Variants in RPGRIP1 observed in about 807,000 individuals in gnomAD.
RPGRIP1 encodes X-linked retinitis pigmentosa GTPase regulator-interacting protein 1.
A neutral mutation model predicts 157.9 loss-of-function variants in RPGRIP1; 128 were observed. The observed-to-expected ratio is 0.81, with a 90% CI of 0.70 to 0.94. The LOEUF (loss-of-function observed/expected upper bound fraction) is 0.94. Among genes scored for constraint, RPGRIP1 ranks in the 40% least tolerant of loss-of-function variants. The pLI, the probability that RPGRIP1 is intolerant of heterozygous loss-of-function variation, is 0.00. For missense variants in RPGRIP1, 1,486 were observed against 1,545.8 expected (o/e 0.96, Z 0.65); for synonymous variants, 554 against 571.6 (o/e 0.97, Z 0.44).
chr14:21,308,856 A>G (rs1195024436), intron 7 of RPGRIP1, among the ~76,000 whole-genome samples: 1 of 152,080 alleles, frequency 6.6e-6, no homozygotes, highest in Non-Finnish European at 1.5e-5. Flanking sequence ...CAGGCATGTC[A>G]CTCATGTAGC....
At chr14:21,297,338 G>A (rs191245251) in intron 3 of RPGRIP1, among the ~76,000 whole-genome samples, 34 of 152,156 alleles carry the variant, frequency 2.2e-4, no homozygotes, top group South Asian at 4.2e-4. Flanking sequence ...CAAGTGATCC[G>A]CCTGCCTCGG....
At chr14:21,338,906 AGGCGG>A (rs1174960869) in intron 21 of RPGRIP1, among the ~76,000 whole-genome samples, 3 of 152,134 alleles carry the variant, frequency 2.0e-5, no homozygotes, top group African/African-American at 4.8e-5. Context: ...TGGGAGGTCG[AGGCGG>A]GCGGATCACC....
rs143285767 is a variant in RPGRIP1, at chr14:21,316,038, G to A, written c.1152-1658G>A. Reference sequence around the variant, plus strand: ...TTGCCCAGGCTGAGAGTGCAGTGGCGCAGTCTCGGCTCACTGCAACCCCTG... The same window carrying A: ...TTGCCCAGGCTGAGAGTGCAGTGGCACAGTCTCGGCTCACTGCAACCCCTG... On this transcript the variant is annotated intron_variant, in intron 10 of 24. Coordinates refer to ENST00000400017, the MANE Select transcript of RPGRIP1 (RefSeq NM_020366.4). Among the ~76,000 whole-genome samples, 1,293 of 148,620 alleles carry A rather than the reference G, an allele frequency of 8.7e-3. 13 individuals are homozygous for A. The highest frequency in any genetic ancestry group is 0.014 in the Non-Finnish European group (970 of 67,342).
intron 24 of RPGRIP1, among the ~76,000 whole-genome samples, chr14:21,348,736 G>C (rs1212406117): frequency 6.9e-6 from 1 of 145,364 alleles, no homozygotes; most frequent in South Asian, 2.2e-4. Flanking sequence ...TGTGATCTCA[G>C]CTCACTGCAA....
At chr14:21,314,389 T>C (rs915010656) in intron 10 of RPGRIP1, among the ~76,000 whole-genome samples, 1 of 152,144 alleles carries the variant, frequency 6.6e-6, no homozygotes, top group Non-Finnish European at 1.5e-5. Flanking sequence ...TGGGCTATTC[T>C]ATATGCTGAT....
At chr14:21,322,101 A>T in intron 14 of RPGRIP1, 97 bp downstream of exon 14, 1 of 1,006,242 alleles carries the variant, frequency 9.9e-7, no homozygotes, top group Non-Finnish European at 1.4e-6. Context: ...TGCCTCTCAT[A>T]CCCTTAGCAT....
At chr14:21,324,563 C>G in intron 14 of RPGRIP1, 55 bp from the exon 15 acceptor site, 4 of 1,441,956 alleles carry the variant, frequency 2.8e-6, no homozygotes, top group Non-Finnish European at 3.9e-6. Context: ...CCTCCTCTAC[C>G]CTAAGAAAGA....
At chr14:21,315,974 G>GTTTTT (rs35698876) in intron 10 of RPGRIP1, among the ~76,000 whole-genome samples, 4 of 107,390 alleles carry the variant, frequency 3.7e-5, no homozygotes, top group South Asian at 3.2e-4. Context: ...AATTTTTGTG[G>GTTTTT]TTTTTTTTTT....
Position 21,325,386 on chromosome 14 carries a change from G to A in RPGRIP1, c.2367+3G>A. The A allele has an allele frequency of 6.4e-7, 1 of 1,564,840 alleles. No individual in the cohort carries two copies. Among genetic ancestry groups the A allele is most frequent in the Non-Finnish European group, 8.7e-7 (1 of 1,154,800 alleles). On this transcript the variant is annotated splice_donor_region_variant and intron_variant, in intron 16 of 24. Transcript: ENST00000400017. ...GCCGGAAGGCCCAGGAAGAGGAGGT[G>A]AGAAAAAAGATGTGCCGAGGCATCT...
At chr14:21,349,965 T>C (rs1330836750) in intron 24 of RPGRIP1, among the ~76,000 whole-genome samples, 1 of 152,218 alleles carries the variant, frequency 6.6e-6, no homozygotes, top group Admixed American at 6.5e-5. Context: ...CTTAAGATTA[T>C]CCACTAGATC....
chr14:21,304,596 C>T (rs1220260570), intron 6 of RPGRIP1, among the ~76,000 whole-genome samples: 1 of 151,980 alleles, frequency 6.6e-6, no homozygotes, highest in Non-Finnish European at 1.5e-5. Flanking sequence ...ATGTATTTTT[C>T]AGACAAGTTT....
intron 2 of RPGRIP1, 31 bp downstream of exon 2, chr14:21,288,092 T>C (rs1196409505): frequency 7.1e-7 from 1 of 1,416,002 alleles, no homozygotes; most frequent in Non-Finnish European, 1.0e-6. Context: ...TGGACACCTT[T>C]TAGAATTAAA....
chr14:21,317,738 C>T lies in RPGRIP1; in HGVS notation c.1194C>T (p.Ser398=). ...SSDSSSQPHW[S]NELIAEQLQQ... ...ACAGCTCCAGTCAGCCCCACTGGAG[C>T]AACGAGCTCATAGCGGAACAGCTAC... Residue 398 remains serine (S), a synonymous_variant, in exon 11 of 25, where the codon AGC becomes AGT. Transcript: ENST00000400017. 6.3e-7 allele frequency: 1 copy of T among 1,590,546 alleles called. No homozygotes were observed. The highest frequency in any genetic ancestry group is 8.6e-7 in the Non-Finnish European group (1 of 1,168,498).
At chr14:21,325,786 T>A in intron 16 of RPGRIP1, 45 bp from the exon 17 acceptor site, 1 of 1,432,536 alleles carries the variant, frequency 7.0e-7, no homozygotes, top group Non-Finnish European at 9.7e-7. Flanking sequence ...CCTACAACAG[T>A]CTCAAGCTGC....
At chr14:21,322,928 T>C (rs1361560066) in intron 14 of RPGRIP1, among the ~76,000 whole-genome samples, 1 of 152,186 alleles carries the variant, frequency 6.6e-6, no homozygotes, top group African/African-American at 2.4e-5. Context: ...ACACTTGGCT[T>C]TGTTATTATA....
chr14:21,317,700 C>T lies in RPGRIP1; in HGVS notation c.1156C>T (p.Leu386=), dbSNP rs1314556019. Residue 386 remains leucine, a synonymous_variant, in exon 11 of 25, where the codon CTG becomes TTG. Coordinates refer to ENST00000400017, the MANE Select transcript of RPGRIP1 (RefSeq NM_020366.4). ...GAGCTTGCTTTCCATTGCCAGCATG[C>T]TGGACAGCAGTGACAGCTCCAGTCA... ...DNYDKLLESM[L]DSSDSSSQPH... The T allele has an allele frequency of 6.3e-7, 1 of 1,583,180 alleles. No individual in the cohort carries two copies. Among genetic ancestry groups the T allele is most frequent in the South Asian group, 1.2e-5 (1 of 86,532 alleles).
intron 6 of RPGRIP1, among the ~76,000 whole-genome samples, chr14:21,306,224 C>G (rs558298314): frequency 2.3e-5 from 3 of 131,228 alleles, no homozygotes; most frequent in Admixed American, 9.0e-5. Context: ...CTCCATCTTC[C>G]GGGTTCAAGC....
intron 10 of RPGRIP1, among the ~76,000 whole-genome samples, chr14:21,313,307 G>T (rs1296496470): frequency 6.7e-6 from 1 of 149,418 alleles, no homozygotes; most frequent in Non-Finnish European, 1.5e-5. Flanking sequence ...TTCGAGACCT[G>T]TCTGGGCAAT....
intron 8 of RPGRIP1, among the ~76,000 whole-genome samples, chr14:21,311,132 CA>C (rs1325678049): frequency 1.3e-5 from 2 of 152,192 alleles, no homozygotes; most frequent in Non-Finnish European, 2.9e-5. Context: ...CTGGAGTTAA[CA>C]TGTCACTTGT....
Sources: allele counts gnomAD v4.1 joint callset (sites outside exome capture counted in the v4.1 genomes callset), GRCh38; gene constraint gnomAD v4.1.1; transcripts MANE v1.5; gene names NCBI Gene and HGNC (gene_info 2026-07-23, HGNC 2026-07-21).